EXOSC1: variants seen among roughly 807,000 people sequenced by gnomAD.
EXOSC1 encodes exosome component 1, also known as exosome complex component CSL4.
EXOSC1 carries 27 observed loss-of-function variants against 31.4 expected under a neutral mutation model. That is an observed-to-expected ratio of 0.86 (90% CI 0.63 to 1.18). EXOSC1 has a LOEUF of 1.18. Among genes scored for constraint, EXOSC1 ranks in the 50% most tolerant of loss-of-function variants. EXOSC1 has a pLI of 0.00. For synonymous variants in EXOSC1, 84 were observed against 89.5 expected (o/e 0.94, Z 0.35); for missense variants, 228 against 250.3 (o/e 0.91, Z 0.60).
chr10:97,444,158 TG>T (rs1845801986), intron 2 of EXOSC1: 2 of 152,368 alleles, frequency 1.3e-5, no homozygotes, highest in South Asian at 4.1e-4. Context: ...TTGCACAGGC[TG>T]AAATTTCCAC....
chr10:97,444,346 T>C (rs138451679), intron 2 of EXOSC1: 1 of 152,252 alleles, frequency 6.6e-6, no homozygotes. Context: ...TTCTTTCAGT[T>C]TCCCCAACTT....
chr10:97,443,511 T>C (rs1027641226), intron 2 of EXOSC1, among the ~76,000 whole-genome samples, 200 bp from the exon 3 acceptor site: 30 of 152,200 alleles, frequency 2.0e-4, no homozygotes, highest in Admixed American at 1.7e-3. Context: ...CTAGAAGACA[T>C]ACATCTCTAA....
At chr10:97,441,551 C>A (rs534636231) in intron 3 of EXOSC1, among the ~76,000 whole-genome samples, 1 of 139,334 alleles carries the variant, frequency 7.2e-6, no homozygotes, top group South Asian at 2.2e-4. Flanking sequence ...AGTGCAATGG[C>A]GCGATCTTGG....
At chr10:97,445,665 TA>T in intron 2 of EXOSC1, 66 bp downstream of exon 2, 1 of 1,494,562 alleles carries the variant, frequency 6.7e-7, no homozygotes. Flanking sequence ...TGCCCATGCC[TA>T]AGGACTGGAA....
rs1255778425 is a variant in EXOSC1 at position 97,445,998 on chromosome 10, C to T, written c.-13G>A. Reference sequence around the variant, plus strand: ...CAGGTGGCGCCATGATTGCCGCTGTCCCAAAACCAGGATGAAAACGAAGTC... The same window carrying T: ...CAGGTGGCGCCATGATTGCCGCTGTTCCAAAACCAGGATGAAAACGAAGTC... On this transcript the variant is annotated 5_prime_UTR_variant, in exon 1 of 8. Transcript: ENST00000370902. 1.2e-6 allele frequency: 2 copies of T among 1,614,250 alleles called. No homozygotes were observed. The highest frequency in any genetic ancestry group is 1.7e-6 in the Non-Finnish European group (2 of 1,180,048).
At chr10:97,441,483 TG>T (rs747682241) in intron 3 of EXOSC1, among the ~76,000 whole-genome samples, 2 of 149,464 alleles carry the variant, frequency 1.3e-5, no homozygotes, top group Non-Finnish European at 1.5e-5. Flanking sequence ...AAAGGTGGTA[TG>T]GGTTTTTTTT....
chr10:97,437,837 T>C, intron 5 of EXOSC1, 87 bp from the exon 6 acceptor site: 2 of 1,076,432 alleles, frequency 1.9e-6, no homozygotes, highest in Non-Finnish European at 1.4e-6. Context: ...GCCAATCTAC[T>C]TTCTAATCCT....
Position 97,441,222 on chromosome 10 carries a change from ATGTGTACTTTG to A in EXOSC1, c.249_259del (p.Lys84ProfsTer9), listed in dbSNP as rs1845704281. ...AAGAGGCATGGACCCCACATACAGGATGTGTACTTTGGCAAAGCGTGAATTGATGCTAGAGA... is the reference window on the plus strand; with the variant it reads ...AAGAGGCATGGACCCCACATACAGGAGCAAAGCGTGAATTGATGCTAGAGA... On this transcript the variant is annotated frameshift_variant, in exon 4 of 8. Transcript: ENST00000370902. LOFTEE classifies it high-confidence loss of function. The A allele has an allele frequency of 6.2e-7, 1 of 1,614,004 alleles. No homozygotes were observed. Among genetic ancestry groups the A allele is most frequent in the Non-Finnish European group, 8.5e-7 (1 of 1,179,996 alleles).
intron 4 of EXOSC1, among the ~76,000 whole-genome samples, chr10:97,439,668 A>T (rs1845653626): frequency 6.6e-6 from 1 of 152,204 alleles, no homozygotes; most frequent in South Asian, 2.1e-4. Flanking sequence ...AAAGTGCACC[A>T]TAAATGTAAT....
At chr10:97,443,159 T>C in intron 3 of EXOSC1, 78 bp downstream of exon 3, 1 of 1,202,534 alleles carries the variant, frequency 8.3e-7, no homozygotes, top group Non-Finnish European at 1.2e-6. Flanking sequence ...GCTATCATAC[T>C]GGACACTGCA....
intron 4 of EXOSC1, 109 bp downstream of exon 4, chr10:97,441,062 C>T (rs41289242): frequency 0.025 from 20,970 of 844,176 alleles, 330 homozygotes; most frequent in Non-Finnish European, 0.031. Context: ...GAAAGAAAAA[C>T]GGGCAAAAGA....
Position 97,445,748 on chromosome 10 carries a change from C to T in EXOSC1, c.131G>A (p.Ser44Asn). ...TTCCTTTACCGCGCCATTCTCGCTGCTCTTCATCAGACAGCCGGCAAGCGA... is the reference window on the plus strand; with the variant it reads ...TTCCTTTACCGCGCCATTCTCGCTGTTCTTCATCAGACAGCCGGCAAGCGA... ...FSSLAGCLMK[S>N]SENGALPVVS... The change falls in exon 2 of 8, where the codon AGC becomes AAC. Residue 44 changes from serine to asparagine, a missense_variant. By Grantham distance (46) the Ser-to-Asn change is conservative. Transcript: ENST00000370902. The T allele has an allele frequency of 6.2e-7, 1 of 1,613,658 alleles. No individual in the cohort carries two copies.
chr10:97,436,142 T>C lies in EXOSC1; in HGVS notation c.*303A>G. 3.2e-6 allele frequency: 1 copy of C among 313,618 alleles called. No homozygotes were observed. The highest frequency in any genetic ancestry group is 6.0e-6 in the Non-Finnish European group (1 of 167,540). 19.4% of individuals were successfully genotyped at this position (313,618 alleles called of 1,614,324 possible). Reference sequence around the variant, plus strand: ...GCTTAAGACAACAGACTCTATAACATCCTTTTAGTAAAAAAGTTTTATCAT... The same window carrying C: ...GCTTAAGACAACAGACTCTATAACACCCTTTTAGTAAAAAAGTTTTATCAT... On this transcript the variant is annotated 3_prime_UTR_variant, in exon 8 of 8. Coordinates refer to ENST00000370902, the MANE Select transcript of EXOSC1 (RefSeq NM_016046.5).
chr10:97,445,914 C>T lies in EXOSC1; in HGVS notation c.31+41G>A, dbSNP rs199594899. On this transcript the variant is annotated intron_variant, in intron 1 of 7. Coordinates refer to ENST00000370902, the MANE Select transcript of EXOSC1 (RefSeq NM_016046.5). Reference sequence around the variant, plus strand: ...TGTAGGCCGTTTAGCCTTCTTGCTTCAGCCCCTATCCAGGACTCTGTACGG... The same window carrying T: ...TGTAGGCCGTTTAGCCTTCTTGCTTTAGCCCCTATCCAGGACTCTGTACGG... 2.9e-5 allele frequency: 47 copies of T among 1,613,862 alleles called. No individual in the cohort carries two copies. In the Admixed American group the frequency reaches 7.5e-4, roughly 26 times the overall value.
rs1271510237 is a variant in EXOSC1 at position 97,445,940 on chromosome 10, G to C, written c.31+15C>G. The C allele has an allele frequency of 1.2e-6, 2 of 1,614,160 alleles. No individual in the cohort carries two copies. Among genetic ancestry groups the C allele is most frequent in the Non-Finnish European group, 8.5e-7 (1 of 1,179,986 alleles). On this transcript the variant is annotated intron_variant, in intron 1 of 7. Coordinates refer to ENST00000370902, the MANE Select transcript of EXOSC1 (RefSeq NM_016046.5). ...AGCCCCTATCCAGGACTCTGTACGGGAAGCGCTCACTTACCGGGGATGCAG... is the reference window on the plus strand; with the variant it reads ...AGCCCCTATCCAGGACTCTGTACGGCAAGCGCTCACTTACCGGGGATGCAG...
chr10:97,438,224 CTTTTTT>C (rs533867680), intron 5 of EXOSC1, among the ~76,000 whole-genome samples: 1 of 150,080 alleles, frequency 6.7e-6, no homozygotes, highest in Non-Finnish European at 1.5e-5. Context: ...GCCCTTTTTT[CTTTTTT>C]TTTAAGAGGT....
intron 1 of EXOSC1, 28 bp from the exon 2 acceptor site, chr10:97,445,875 G>C: frequency 6.2e-7 from 1 of 1,613,168 alleles, no homozygotes; most frequent in South Asian, 1.1e-5. Context: ...CATCGGTCAC[G>C]GGCCCCCAGA....
rs1845522787 is a variant in EXOSC1 at position 97,435,989 on chromosome 10, T to A, written c.*456A>T. Among the ~76,000 whole-genome samples, 1 of 152,138 alleles carries A rather than the reference T, an allele frequency of 6.6e-6. No individual in the cohort carries two copies. Among genetic ancestry groups the A allele is most frequent in the Non-Finnish European group, 1.5e-5 (1 of 68,020 alleles). On this transcript the variant is annotated 3_prime_UTR_variant, in exon 8 of 8. Coordinates refer to ENST00000370902, the MANE Select transcript of EXOSC1 (RefSeq NM_016046.5). ...CTGTATCACCACGTGTCCTCAAATT[T>A]TCATTAAATCACAATGTACCTAAAT...
In EXOSC1 at chr10:97,437,737, T is replaced by G. The variant is rs1424258528; in HGVS notation, c.359A>C (p.Lys120Thr). 1.9e-6 allele frequency: 3 copies of G among 1,613,042 alleles called. No homozygotes were observed. Among genetic ancestry groups the G allele is most frequent in the African/African-American group, 2.7e-5 (2 of 74,900 alleles). ...GACAATGTCACCTGGGCGGAAACTC[T>G]TATAAATTTCAACCTGTAAAGAAAG... Reference protein sequence around the residue: ...ATEKDKVEIYKSFRPGDIVLA... With the variant: ...ATEKDKVEIYTSFRPGDIVLA... The change falls in exon 6 of 8, where the codon AAG (lysine) becomes ACG (threonine). Residue 120 changes from lysine to threonine, a missense_variant. By Grantham distance (78) the Lys-to-Thr change is moderately conservative. Transcript: ENST00000370902.
Sources: gnomAD v4.1 joint callset for allele counts (sites outside exome capture counted in the v4.1 genomes callset) on GRCh38, gnomAD v4.1.1 for gene constraint, MANE v1.5 for transcripts, NCBI Gene and HGNC (gene_info 2026-07-23, HGNC 2026-07-21) for gene names.